Variants in MLF2 observed in about 807,000 individuals in gnomAD.
The protein encoded by MLF2 is myeloid leukemia factor 2.
Under a neutral mutation model 31.4 loss-of-function variants are expected in MLF2, and 12 were observed. The observed-to-expected ratio is 0.38, with a 90% CI of 0.24 to 0.62. The LOEUF (loss-of-function observed/expected upper bound fraction) is 0.62, where lower values mean the gene tolerates loss of function less well. Among genes scored for constraint, MLF2 ranks in the 20% least tolerant of loss-of-function variants. The pLI, the probability that MLF2 is intolerant of heterozygous loss-of-function variation, is 0.58. For synonymous variants in MLF2, 109 were observed against 118.8 expected (o/e 0.92, Z 0.54); for missense variants, 272 against 359.7 (o/e 0.76, Z 1.97).
chr12:6,748,700 G>C lies in MLF2; in HGVS notation c.*25+70C>G, dbSNP rs1157304989. 14 of 1,251,006 alleles carry C rather than the reference G, an allele frequency of 1.1e-5. No individual in the cohort carries two copies. Among genetic ancestry groups the C allele is most frequent in the Non-Finnish European group, 1.4e-5 (13 of 925,538 alleles). 77.5% of individuals were successfully genotyped at this position (1,251,006 alleles called of 1,614,324 possible). On this transcript the variant is annotated intron_variant, in intron 8 of 8. Transcript: ENST00000203630. This position sits in a 1 kb window ranked among gnomAD's most constrained non-coding sequence, Gnocchi z 4.6. Reference sequence around the variant, plus strand: ...CCAAAGGCAGCTCCTGCGGGAGCCTGAACTGAGCCTGCCTTGCAGCCGAGG... The same window carrying C: ...CCAAAGGCAGCTCCTGCGGGAGCCTCAACTGAGCCTGCCTTGCAGCCGAGG...
Position 6,751,689 on chromosome 12 carries a change from A to G in MLF2, c.181-13T>C. Reference sequence around the variant, plus strand: ...AGACAGCTCCAGCCTACAGGAACACATGAGGAACAGAAATTAGAGACCACA... The same window carrying G: ...AGACAGCTCCAGCCTACAGGAACACGTGAGGAACAGAAATTAGAGACCACA... On this transcript the variant is annotated splice_polypyrimidine_tract_variant and intron_variant, in intron 3 of 8. Coordinates refer to ENST00000203630, the MANE Select transcript of MLF2 (RefSeq NM_001382226.1). 3.7e-6 allele frequency: 6 copies of G among 1,614,008 alleles called. No individual in the cohort carries two copies. The highest frequency in any genetic ancestry group is 5.1e-6 in the Non-Finnish European group (6 of 1,179,852).
At chr12:6,751,492 C>T (rs1941613945) in intron 4 of MLF2, 149 bp downstream of exon 4, 5 of 919,156 alleles carry the variant, frequency 5.4e-6, no homozygotes, top group Non-Finnish European at 8.6e-6. Context: ...GCTCCTAGTA[C>T]CCAACAGGCT....
chr12:6,751,339 G>A (rs1941611120), intron 4 of MLF2, among the ~76,000 whole-genome samples: 1 of 151,808 alleles, frequency 6.6e-6, no homozygotes, highest in East Asian at 1.9e-4. Flanking sequence ...GACTACAGGT[G>A]TGTGCCACCA....
In MLF2 at chr12:6,749,474, G is replaced by A. The variant is rs948296716; in HGVS notation, c.559+374C>T. 6.6e-6 allele frequency among the ~76,000 whole-genome samples: 1 copy of A among 152,242 alleles called. No individual in the cohort carries two copies. The highest frequency in any genetic ancestry group is 1.5e-5 in the Non-Finnish European group (1 of 68,044). ...TGCCTGTAATCCCGGCACTTTGGGA[G>A]GCCAACGGTCGGTGGGTGGATCACA... On this transcript the variant is annotated intron_variant, in intron 7 of 8. Transcript: ENST00000203630. The surrounding 1 kb of genome is among the most constrained non-coding windows in gnomAD (Gnocchi z 5.3).
rs183546023 is a variant in MLF2 at position 6,749,141 on chromosome 12, C to T, written c.560-159G>A. ...TCCCTTAGCTCTTTTGGTTTCTGCA[C>T]GGTCCCAGGAAGCCACCGGTAGGCG... On this transcript the variant is annotated intron_variant, in intron 7 of 8. Transcript: ENST00000203630. This position sits in a 1 kb window ranked among gnomAD's most constrained non-coding sequence, Gnocchi z 5.3. Among the ~76,000 whole-genome samples the T allele has an allele frequency of 6.3e-4, 96 of 152,288 alleles. No individual in the cohort carries two copies. The highest frequency in any genetic ancestry group is 2.1e-3 in the African/African-American group (88 of 41,570).
At position 6,752,735 on chromosome 12, in the gene MLF2, CCT is replaced by C; in HGVS notation, c.-29+202_-29+203del. 1.6e-5 allele frequency: 3 copies of C among 183,680 alleles called. No individual in the cohort carries two copies. Among genetic ancestry groups the C allele is most frequent in the Admixed American group, 1.1e-4 (2 of 17,592 alleles). 11.4% of individuals were successfully genotyped at this position (183,680 alleles called of 1,614,324 possible). A position where few individuals can be genotyped will look rare whatever the true frequency, so the allele number is the denominator to read the frequency against. ...AATGACCCCAGTCACCCCGCCCCCT[CCT>C]TACACTCAGGCCTCCCCCAGGCGGG... On this transcript the variant is annotated intron_variant, in intron 1 of 8. Transcript: ENST00000203630. This position sits in a 1 kb window ranked among gnomAD's most constrained non-coding sequence, Gnocchi z 4.6.
rs1941592297 is a variant in MLF2, at chr12:6,750,141, C to A, written c.399+36G>T. On this transcript the variant is annotated intron_variant, in intron 6 of 8. Transcript: ENST00000203630. The surrounding 1 kb of genome is among the most constrained non-coding windows in gnomAD (Gnocchi z 5.3). ...GGGTTTCTGGCGGTGCCGCTCAATC[C>A]TACCTTCTCTGGGACAGGAGGGCTC... The A allele has an allele frequency of 6.2e-6, 10 of 1,614,070 alleles. No individual in the cohort carries two copies. Among genetic ancestry groups the A allele is most frequent in the Non-Finnish European group, 8.5e-6 (10 of 1,179,964 alleles).
rs1358556216 is a variant in MLF2 at position 6,750,193 on chromosome 12, C to A, written c.383G>T (p.Arg128Leu). The change falls in exon 6 of 9, where the codon CGC becomes CTC. Residue 128 changes from arginine to leucine, a missense_variant. Transcript: ENST00000203630. The surrounding 1 kb of genome is among the most constrained non-coding windows in gnomAD (Gnocchi z 5.3). ...CCAACTCACCCCGCCTGGTGCCGAG[C>A]GCATCTCTGATGTCTCTTGGTAGAC... ...PKVYQETSEMRSAPGGIRETR... is the reference protein window; with the variant it reads ...PKVYQETSEMLSAPGGIRETR... 1 of 1,614,218 alleles carries A rather than the reference C, an allele frequency of 6.2e-7. No individual in the cohort carries two copies. Among genetic ancestry groups the A allele is most frequent in the East Asian group, 2.2e-5 (1 of 44,892 alleles).
chr12:6,753,120 T>C lies in MLF2; in HGVS notation c.-210A>G, dbSNP rs1301855383. The C allele has an allele frequency of 5.1e-6, 2 of 393,956 alleles. No homozygotes were observed. Among genetic ancestry groups the C allele is most frequent in the Non-Finnish European group, 4.5e-6 (1 of 223,698 alleles). The allele number at this position is 393,956 out of a possible 1,614,324, so 24.4% of individuals were successfully genotyped here. On this transcript the variant is annotated 5_prime_UTR_variant, in exon 1 of 9. Coordinates refer to ENST00000203630, the MANE Select transcript of MLF2 (RefSeq NM_001382226.1). ...CCCCTCGGCCAACGGAGCCCGAACC[T>C]CGGCCAGGCCCGGGCGGAAGTGACG...
At chr12:6,751,801 G>A (rs547186205) in intron 3 of MLF2, 124 bp downstream of exon 3, 1 of 1,565,950 alleles carries the variant, frequency 6.4e-7, no homozygotes, top group African/African-American at 1.4e-5. Context: ...CCTTTTTCCT[G>A]ACCCTTTCCC....
chr12:6,752,678 G>A lies in MLF2; in HGVS notation c.-29+261C>T, dbSNP rs1941634060. 1 of 242,012 alleles carries A rather than the reference G, an allele frequency of 4.1e-6. No homozygotes were observed. Among genetic ancestry groups the A allele is most frequent in the African/African-American group, 2.2e-5 (1 of 44,658 alleles). The allele number at this position is 242,012 out of a possible 1,614,324, so 15.0% of individuals were successfully genotyped here. A position where few individuals can be genotyped will look rare whatever the true frequency, so the allele number is the denominator to read the frequency against. On this transcript the variant is annotated intron_variant, in intron 1 of 8. Coordinates refer to ENST00000203630, the MANE Select transcript of MLF2 (RefSeq NM_001382226.1). This position sits in a 1 kb window ranked among gnomAD's most constrained non-coding sequence, Gnocchi z 4.6. ...TCCCGCCGACGACACCGTTCTAGAT[G>A]AGAATGCCAAGTGCAGGTCCTCCGC...
intron 4 of MLF2, 122 bp downstream of exon 4, chr12:6,751,519 C>A (rs1393285505): frequency 8.6e-7 from 1 of 1,163,748 alleles, no homozygotes. Flanking sequence ...TTTGTGAATG[C>A]CATAAAAAGA....
At position 6,748,846 on chromosome 12, in the gene MLF2, G is replaced by A; in HGVS notation, c.696C>T (p.Ile232=). 2 of 1,577,004 alleles carry A rather than the reference G, an allele frequency of 1.3e-6. No individual in the cohort carries two copies. Among genetic ancestry groups the A allele is most frequent in the South Asian group, 2.3e-5 (2 of 85,986 alleles). ...GGGAAGGGGAGTCCTCAGGTCCCTG[G>A]ATGGCCAGGCGGGGAGGCCCCTCCG... ...RRAEGPPRLA[I]QGPEDSPSRQ... is the part of the protein sequence containing the mutation. Residue 232 remains isoleucine (I), a synonymous_variant, in exon 8 of 9, where the codon ATC becomes ATT. Transcript: ENST00000203630. The surrounding 1 kb of genome is among the most constrained non-coding windows in gnomAD (Gnocchi z 4.6).
rs868807530 is a variant in MLF2, at chr12:6,750,384, G to T, written c.271-79C>A. On this transcript the variant is annotated intron_variant, in intron 5 of 8. Transcript: ENST00000203630. The surrounding 1 kb of genome is among the most constrained non-coding windows in gnomAD (Gnocchi z 5.3). ...AAGGGATTTCACCCTTCAGCTGCCTGTTCTAGCCTGTATCTTTCTCACAAA... is the reference window on the plus strand; with the variant it reads ...AAGGGATTTCACCCTTCAGCTGCCTTTTCTAGCCTGTATCTTTCTCACAAA... The T allele has an allele frequency of 6.0e-6, 9 of 1,499,456 alleles. No homozygotes were observed. The highest frequency in any genetic ancestry group is 8.1e-6 in the Non-Finnish European group (9 of 1,107,084). 92.9% of individuals were successfully genotyped at this position (1,499,456 alleles called of 1,614,324 possible). A position where few individuals can be genotyped will look rare whatever the true frequency, so the allele number is the denominator to read the frequency against.
At position 6,748,574 on chromosome 12, in the gene MLF2, A is replaced by T. The variant is rs2137777793; in HGVS notation, c.*26-27T>A. ...TGGAGGGGGAAAGAGAGAGGAGCAC[A>T]AGTCAAAAGGAAGAAAAAACTTACG... is the stretch of plus-strand genomic sequence containing the variant. On this transcript the variant is annotated intron_variant, in intron 8 of 8. Coordinates refer to ENST00000203630, the MANE Select transcript of MLF2 (RefSeq NM_001382226.1). The surrounding 1 kb of genome is among the most constrained non-coding windows in gnomAD (Gnocchi z 4.6). The T allele has an allele frequency of 6.7e-6, 3 of 451,092 alleles. No individual in the cohort carries two copies. In the South Asian group the frequency reaches 1.4e-4, roughly 21 times the overall value. 27.9% of individuals were successfully genotyped at this position (451,092 alleles called of 1,614,324 possible). A position where few individuals can be genotyped will look rare whatever the true frequency, so the allele number is the denominator to read the frequency against.
Position 6,750,367 on chromosome 12 carries a change from T to A in MLF2, c.271-62A>T. 1.3e-6 allele frequency: 2 copies of A among 1,568,306 alleles called. No homozygotes were observed. The highest frequency in any genetic ancestry group is 1.7e-6 in the Non-Finnish European group (2 of 1,149,432). ...AGGCATCACCCCTGGTGAAGGGATTTCACCCTTCAGCTGCCTGTTCTAGCC... is the reference window on the plus strand; with the variant it reads ...AGGCATCACCCCTGGTGAAGGGATTACACCCTTCAGCTGCCTGTTCTAGCC... On this transcript the variant is annotated intron_variant, in intron 5 of 8. Transcript: ENST00000203630. This position sits in a 1 kb window ranked among gnomAD's most constrained non-coding sequence, Gnocchi z 5.3.
rs1415014147 is a variant in MLF2 at position 6,749,023 on chromosome 12, G to A, written c.560-41C>T. On this transcript the variant is annotated intron_variant, in intron 7 of 8. Coordinates refer to ENST00000203630, the MANE Select transcript of MLF2 (RefSeq NM_001382226.1). This position sits in a 1 kb window ranked among gnomAD's most constrained non-coding sequence, Gnocchi z 5.3. The stretch of plus-strand genomic sequence containing the variant: ...CGGACATGAGGCCTGTGTGCGGCCT[G>A]GCTCCTGGAGGCCGATGTGCGAGCG... 8 of 1,494,326 alleles carry A rather than the reference G, an allele frequency of 5.4e-6. No homozygotes were observed. The South Asian group carries it at 1.1e-4, about 20-fold the overall frequency. The allele number at this position is 1,494,326 out of a possible 1,614,324, so 92.6% of individuals were successfully genotyped here.
In MLF2 at chr12:6,749,832, G is replaced by A. The variant is rs745647000; in HGVS notation, c.559+16C>T. On this transcript the variant is annotated intron_variant, in intron 7 of 8. Transcript: ENST00000203630. This position sits in a 1 kb window ranked among gnomAD's most constrained non-coding sequence, Gnocchi z 5.3. ...GGTTAGGGGCTGCCAGCCAGGAAGC[G>A]GGAGGGAAGGCTCACTCTCATCCAG... The A allele has an allele frequency of 1.7e-5, 27 of 1,613,190 alleles. No homozygotes were observed. The highest frequency in any genetic ancestry group is 9.3e-5 in the African/African-American group (7 of 74,894).
rs538645957 is a variant in MLF2, at chr12:6,748,598, C to T, written c.*26-51G>A. On this transcript the variant is annotated intron_variant, in intron 8 of 8. Transcript: ENST00000203630. This position sits in a 1 kb window ranked among gnomAD's most constrained non-coding sequence, Gnocchi z 4.6. ...CAAGTCAAAAGGAAGAAAAAACTTA[C>T]GTTAAGAGCCAGGAGTTGGGGTTTA... The T allele has an allele frequency of 1.1e-4, 54 of 493,168 alleles. No individual in the cohort carries two copies. Among genetic ancestry groups the T allele is most frequent in the South Asian group, 1.6e-4 (4 of 24,920 alleles). The allele number at this position is 493,168 out of a possible 1,614,324, so 30.5% of individuals were successfully genotyped here. A position where few individuals can be genotyped will look rare whatever the true frequency, so the allele number is the denominator to read the frequency against.
Sources: allele counts gnomAD v4.1 joint callset (sites outside exome capture counted in the v4.1 genomes callset), GRCh38; gene constraint gnomAD v4.1.1; non-coding constraint Gnocchi (gnomAD v3.1); transcripts MANE v1.5; gene names NCBI Gene and HGNC (gene_info 2026-07-23, HGNC 2026-07-21).